The following GRAMD1B variants were observed in gnomAD, a reference collection of about 807,000 sequenced individuals.
The protein encoded by GRAMD1B is GRAM domain containing 1B.
GRAMD1B carries 37 observed loss-of-function variants against 99.7 expected under a neutral mutation model. The observed-to-expected ratio is 0.37, with a 90% CI of 0.29 to 0.49. GRAMD1B has a LOEUF of 0.49. GRAMD1B is among the 20% of genes least tolerant of loss of function. The pLI is 0.98. For synonymous variants in GRAMD1B, 427 were observed against 387.6 expected (o/e 1.10, Z -1.19); for missense variants, 888 against 1,009.2 (o/e 0.88, Z 1.63).
chr11:123,545,071 G>A (rs1022882228), intron 2 of GRAMD1B, among the ~76,000 whole-genome samples: 9 of 152,168 alleles, frequency 5.9e-5, no homozygotes, highest in African/African-American at 2.2e-4. Context: ...TCCTCTGAAG[G>A]CAGCCTTGTC....
At chr11:123,369,352 T>C (rs1486400468) in intron 1 of GRAMD1B, among the ~76,000 whole-genome samples, 2 of 151,800 alleles carry the variant, frequency 1.3e-5, no homozygotes, top group Non-Finnish European at 2.9e-5. Context: ...ACATAAGAAA[T>C]ATCTAGATAG....
intron 19 of GRAMD1B, among the ~76,000 whole-genome samples, chr11:123,621,729 GA>G (rs754639222): frequency 6.6e-6 from 1 of 152,208 alleles, no homozygotes; most frequent in East Asian, 1.9e-4. Flanking sequence ...GAAACCAGAT[GA>G]AACAAGTAGA....
At chr11:123,522,808 CAT>C (rs1942326523) in intron 2 of GRAMD1B, among the ~76,000 whole-genome samples, 1 of 152,200 alleles carries the variant, frequency 6.6e-6, no homozygotes, top group South Asian at 2.1e-4. Flanking sequence ...CCAGCCAACT[CAT>C]CAGTAATAGA....
intron 2 of GRAMD1B, among the ~76,000 whole-genome samples, chr11:123,497,783 C>T (rs574337872): frequency 6.6e-6 from 1 of 151,918 alleles, no homozygotes; most frequent in African/African-American, 2.4e-5. Flanking sequence ...TGCCTGTAAT[C>T]CCAGCTACTC....
At chr11:123,513,918 A>G (rs1037889200) in intron 2 of GRAMD1B, among the ~76,000 whole-genome samples, 39 of 152,062 alleles carry the variant, frequency 2.6e-4, no homozygotes, top group Admixed American at 2.1e-3. Context: ...GGCCTCCCAC[A>G]GTGCTGGGAT....
intron 1 of GRAMD1B, among the ~76,000 whole-genome samples, chr11:123,414,343 C>A (rs1424121455): frequency 6.6e-6 from 1 of 152,104 alleles, no homozygotes; most frequent in Non-Finnish European, 1.5e-5. Flanking sequence ...CCTAGTCCAG[C>A]CCAATCATCA....
At chr11:123,584,273 C>A in intron 3 of GRAMD1B, 39 bp from the exon 4 acceptor site, 1 of 951,898 alleles carries the variant, frequency 1.1e-6, no homozygotes, top group East Asian at 5.2e-5. Flanking sequence ...CATTTCTTCC[C>A]TGACTAATTC....
At position 123,454,462 on chromosome 11, in the gene GRAMD1B, A is replaced by T. The variant is rs1388425333; in HGVS notation, c.374+23296A>T. ...AAAGACAGCGGTTTAGAGAGTGGTT[A>T]GTGCCGTGATCAGCCAACGCAGGCT... is the stretch of plus-strand genomic sequence containing the variant. On this transcript the variant is annotated intron_variant, in intron 1 of 19. Transcript: ENST00000635736. The T allele has an allele frequency of 2.0e-5, 3 of 152,214 alleles. No individual in the cohort carries two copies. In the East Asian group the frequency reaches 5.8e-4, roughly 29 times the overall value. 9.4% of individuals were successfully genotyped at this position (152,214 alleles called of 1,614,324 possible). A position where few individuals can be genotyped will look rare whatever the true frequency, so the allele number is the denominator to read the frequency against.
intron 2 of GRAMD1B, among the ~76,000 whole-genome samples, chr11:123,553,100 A>G (rs1033431156): frequency 3.3e-5 from 5 of 152,206 alleles, no homozygotes; most frequent in Non-Finnish European, 7.3e-5. Flanking sequence ...ACCCCCAGAC[A>G]TTCTTGTTTA....
At chr11:123,451,136 A>G (rs893430345) in intron 1 of GRAMD1B, among the ~76,000 whole-genome samples, 5 of 152,202 alleles carry the variant, frequency 3.3e-5, no homozygotes, top group Non-Finnish European at 5.9e-5. Flanking sequence ...ATTTATCACA[A>G]TCTCTTAATT....
At chr11:123,375,853 C>T (rs901635789) in intron 1 of GRAMD1B, among the ~76,000 whole-genome samples, 2 of 152,170 alleles carry the variant, frequency 1.3e-5, no homozygotes, top group African/African-American at 2.4e-5. Context: ...TTTTCGTGTA[C>T]TCATCTATTT....
intron 1 of GRAMD1B, among the ~76,000 whole-genome samples, chr11:123,396,337 A>G (rs4936803): frequency 0.45 from 67,118 of 148,966 alleles, 19,946 homozygotes; most frequent in African/African-American, 0.85. Flanking sequence ...GTGCAATGGC[A>G]CAATCTTGGC....
rs1955522560 is a variant in GRAMD1B, at chr11:123,626,590, C to T, written c.*3995C>T. 6.6e-6 allele frequency: 1 copy of T among 152,076 alleles called. No individual in the cohort carries two copies. The highest frequency in any genetic ancestry group is 2.1e-4 in the South Asian group (1 of 4,824). 9.4% of individuals were successfully genotyped at this position (152,076 alleles called of 1,614,324 possible). ...AGAAATAGCACTCTTCTCCCTTCCC[C>T]CAGATGGCAGGGCTCTGGCCTCCCT... On this transcript the variant is annotated 3_prime_UTR_variant, in exon 20 of 20. Transcript: ENST00000635736.
chr11:123,613,086 T>C (rs1953815958), intron 15 of GRAMD1B: 1 of 571,288 alleles, frequency 1.8e-6, no homozygotes, highest in Non-Finnish European at 3.1e-6. Flanking sequence ...TAAGAGATCA[T>C]TGAGGGATCT....
chr11:123,543,971 G>A (rs1371692455), intron 2 of GRAMD1B, among the ~76,000 whole-genome samples: 8 of 152,166 alleles, frequency 5.3e-5, no homozygotes, highest in Admixed American at 1.3e-4. Context: ...AAAGTTTGCC[G>A]ACCTTGCTTT....
intron 2 of GRAMD1B, among the ~76,000 whole-genome samples, chr11:123,523,644 T>A (rs1451623117): frequency 1.3e-5 from 2 of 152,232 alleles, no homozygotes; most frequent in Non-Finnish European, 2.9e-5. Flanking sequence ...TCTGTGTTAC[T>A]TGTGATCAGA....
intron 1 of GRAMD1B, among the ~76,000 whole-genome samples, chr11:123,406,122 T>G (rs186534909): frequency 1.4e-4 from 21 of 151,656 alleles, no homozygotes; most frequent in Admixed American, 1.4e-3. Flanking sequence ...TCAAATGATT[T>G]CTGGCTAATT....
At chr11:123,442,676 G>A (rs1433001420) in intron 1 of GRAMD1B, among the ~76,000 whole-genome samples, 1 of 152,118 alleles carries the variant, frequency 6.6e-6, no homozygotes, top group African/African-American at 2.4e-5. Flanking sequence ...AAGTTGAGGT[G>A]GGAGAATTGC....
At chr11:123,464,486 T>G (rs1446268632) in intron 1 of GRAMD1B, among the ~76,000 whole-genome samples, 3 of 152,120 alleles carry the variant, frequency 2.0e-5, no homozygotes, top group African/African-American at 7.2e-5. Context: ...ATAATATAAA[T>G]CAGCCCCCTC....
Sources: allele counts gnomAD v4.1 joint callset (sites outside exome capture counted in the v4.1 genomes callset), GRCh38; gene constraint gnomAD v4.1.1; transcripts MANE v1.5; gene names NCBI Gene and HGNC (gene_info 2026-07-23, HGNC 2026-07-21).